The following PIAS1 variants were observed in gnomAD, a reference collection of about 807,000 sequenced individuals.
The protein encoded by PIAS1 is E3 SUMO-protein ligase PIAS1.
A neutral mutation model predicts 71.3 loss-of-function variants in PIAS1; 6 were observed. That is an observed-to-expected ratio of 0.08 (90% CI 0.05 to 0.17). The LOEUF (loss-of-function observed/expected upper bound fraction) is 0.17. Among genes scored for constraint, PIAS1 ranks in the 10% least tolerant of loss-of-function variants. The pLI, the probability that PIAS1 is intolerant of heterozygous loss-of-function variation, is 1.00. For missense variants in PIAS1, 555 were observed against 793.6 expected (o/e 0.70, Z 3.61); for synonymous variants, 303 against 292.9 (o/e 1.03, Z -0.35).
chr15:68,135,223 T>G (rs1412767971), intron 2 of PIAS1, among the ~76,000 whole-genome samples: 2 of 22,812 alleles, frequency 8.8e-5, no homozygotes, highest in African/African-American at 9.7e-5. Context: ...CCGGAAGGGG[T>G]GGCTGGCCGG....
chr15:68,090,264 G>A (rs1159003327), intron 2 of PIAS1, among the ~76,000 whole-genome samples: 1 of 151,826 alleles, frequency 6.6e-6, no homozygotes, highest in Non-Finnish European at 1.5e-5. Context: ...ATGTGGCGGC[G>A]AGATCTTGGT....
At chr15:68,184,918 C>T (rs542490596) in intron 13 of PIAS1, 4 of 153,474 alleles carry the variant, frequency 2.6e-5, no homozygotes, top group African/African-American at 7.2e-5. Flanking sequence ...ACACACTGCC[C>T]GTGTACTACA....
chr15:68,170,206 G>C (rs2092983089), intron 8 of PIAS1, among the ~76,000 whole-genome samples: 1 of 152,122 alleles, frequency 6.6e-6, no homozygotes, highest in South Asian at 2.1e-4. Context: ...TAATGATAGG[G>C]ATACCTTTTG....
intron 6 of PIAS1, 99 bp from the exon 7 acceptor site, chr15:68,153,491 T>C: frequency 1.6e-6 from 1 of 618,204 alleles, no homozygotes; most frequent in Non-Finnish European, 2.9e-6. Context: ...GTAGGTGTTT[T>C]AAGAAGTGTT....
At chr15:68,057,145 C>T (rs1175962189) in intron 1 of PIAS1, among the ~76,000 whole-genome samples, 1 of 151,986 alleles carries the variant, frequency 6.6e-6, no homozygotes, top group Non-Finnish European at 1.5e-5. Context: ...GATCTTTATC[C>T]CCTGTAGGAA....
At chr15:68,109,340 A>T (rs2092501532) in intron 2 of PIAS1, among the ~76,000 whole-genome samples, 1 of 152,132 alleles carries the variant, frequency 6.6e-6, no homozygotes, top group Non-Finnish European at 1.5e-5. Context: ...GACATACTTT[A>T]CTATGTGTAT....
At chr15:68,104,753 A>C (rs774826750) in intron 2 of PIAS1, among the ~76,000 whole-genome samples, 2 of 152,300 alleles carry the variant, frequency 1.3e-5, no homozygotes, top group East Asian at 3.9e-4. Context: ...TAGTTACCCT[A>C]ATTTAATCAT....
chr15:68,120,528 G>A (rs1052700020), intron 2 of PIAS1, among the ~76,000 whole-genome samples: 8 of 152,088 alleles, frequency 5.3e-5, no homozygotes, highest in African/African-American at 1.4e-4. Context: ...AGGTTTTGTA[G>A]TATACGTCTT....
chr15:68,088,940 C>A (rs1468111929), intron 2 of PIAS1, among the ~76,000 whole-genome samples: 1 of 152,156 alleles, frequency 6.6e-6, no homozygotes, highest in Non-Finnish European at 1.5e-5. Flanking sequence ...GCATTCTCTT[C>A]ATTTCTAAAC....
At chr15:68,134,708 G>A (rs1306269545) in intron 2 of PIAS1, among the ~76,000 whole-genome samples, 1 of 35,528 alleles carries the variant, frequency 2.8e-5, no homozygotes, top group African/African-American at 5.9e-5. Context: ...GTGGCTGGCC[G>A]GGCGGGGGCT....
intron 1 of PIAS1, among the ~76,000 whole-genome samples, chr15:68,082,344 C>T (rs894776586): frequency 6.6e-6 from 1 of 152,042 alleles, no homozygotes; most frequent in African/African-American, 2.4e-5. Context: ...AATTCCATGA[C>T]CATAATTGTG....
intron 2 of PIAS1, among the ~76,000 whole-genome samples, chr15:68,107,408 T>C (rs531188313): frequency 2.6e-5 from 4 of 152,306 alleles, no homozygotes; most frequent in African/African-American, 9.6e-5. Context: ...TAAGATTGAG[T>C]TACCTTAAGT....
chr15:68,065,695 G>A (rs529753670), intron 1 of PIAS1, among the ~76,000 whole-genome samples: 8 of 150,850 alleles, frequency 5.3e-5, no homozygotes, highest in African/African-American at 1.9e-4. Flanking sequence ...AATGCTAAAC[G>A]GTAGTAGCTT....
chr15:68,182,490 C>CGTGCGTGTGT (rs1555434695), intron 12 of PIAS1, among the ~76,000 whole-genome samples: 2 of 123,280 alleles, frequency 1.6e-5, no homozygotes, highest in African/African-American at 3.2e-5. Context: ...GCTCAGGCTG[C>CGTGCGTGTGT]GTGTGTGTGT....
chr15:68,166,358 TTTTC>T (rs2141080368), intron 8 of PIAS1, among the ~76,000 whole-genome samples: 1 of 152,088 alleles, frequency 6.6e-6, no homozygotes, highest in Admixed American at 6.5e-5. Context: ...TTTATTTTTT[TTTTC>T]TTTTCATGCT....
intron 1 of PIAS1, among the ~76,000 whole-genome samples, chr15:68,056,861 A>T (rs1212833484): frequency 1.3e-5 from 2 of 152,062 alleles, no homozygotes; most frequent in African/African-American, 2.4e-5. Context: ...TTTGTTTGTG[A>T]TTTTTTGGAG....
intron 2 of PIAS1, among the ~76,000 whole-genome samples, chr15:68,093,324 A>G (rs371338250): frequency 6.6e-6 from 1 of 152,274 alleles, no homozygotes; most frequent in East Asian, 1.9e-4. Context: ...AACATAAGCA[A>G]GTTTGAGAAT....
intron 4 of PIAS1, among the ~76,000 whole-genome samples, chr15:68,142,902 T>G (rs1297978803): frequency 1.3e-5 from 2 of 152,060 alleles, no homozygotes; most frequent in African/African-American, 4.8e-5. Flanking sequence ...ATGCTCTAAT[T>G]TAGGATCCAT....
At chr15:68,057,597 GTTA>G (rs1370147612) in intron 1 of PIAS1, 2 of 343,098 alleles carry the variant, frequency 5.8e-6, no homozygotes, top group Non-Finnish European at 1.1e-5. Flanking sequence ...GAATTCTATT[GTTA>G]TTTTCTGCCT....
Sources: gnomAD v4.1 joint callset for allele counts (sites outside exome capture counted in the v4.1 genomes callset) on GRCh38, gnomAD v4.1.1 for gene constraint, MANE v1.5 for transcripts, NCBI Gene and HGNC (gene_info 2026-07-23, HGNC 2026-07-21) for gene names.